The following EXOC6B variants were observed in gnomAD, a reference collection of about 807,000 sequenced individuals.
The protein encoded by EXOC6B is SEC15 homolog B.
EXOC6B carries 54 observed loss-of-function variants against 113.5 expected under a neutral mutation model. The observed-to-expected ratio is 0.48, with a 90% CI of 0.38 to 0.60. The LOEUF (loss-of-function observed/expected upper bound fraction) is 0.60. Among genes scored for constraint, EXOC6B ranks in the 20% least tolerant of loss-of-function variants. The pLI is 0.00. For synonymous variants in EXOC6B, 357 were observed against 339.0 expected (o/e 1.05, Z -0.58); for missense variants, 797 against 977.5 (o/e 0.82, Z 2.46).
intron 20 of EXOC6B, among the ~76,000 whole-genome samples, chr2:72,286,246 G>A (rs2109961): frequency 0.39 from 58,550 of 152,028 alleles, 15,308 homozygotes; most frequent in African/African-American, 0.74. Context: ...AGCAATCAAG[G>A]TATCCTTCAG....
chr2:72,599,840 T>G (rs1284317803), intron 6 of EXOC6B, among the ~76,000 whole-genome samples: 1 of 151,970 alleles, frequency 6.6e-6, no homozygotes, highest in Non-Finnish European at 1.5e-5. Flanking sequence ...TCTAAAAAAT[T>G]TGTACAAAAC....
chr2:72,646,278 C>A (rs910107130), intron 6 of EXOC6B, among the ~76,000 whole-genome samples: 2 of 149,916 alleles, frequency 1.3e-5, no homozygotes, highest in African/African-American at 2.4e-5. Flanking sequence ...CAATAACAGG[C>A]TCTGAAATTG....
At chr2:72,602,719 TG>T (rs766211323) in intron 6 of EXOC6B, among the ~76,000 whole-genome samples, 13 of 152,222 alleles carry the variant, frequency 8.5e-5, no homozygotes, top group Non-Finnish European at 1.6e-4. Flanking sequence ...CACAGGTTAT[TG>T]ACTTCTGCTA....
chr2:72,591,015 G>T (rs1046443920), intron 6 of EXOC6B, among the ~76,000 whole-genome samples: 1 of 151,834 alleles, frequency 6.6e-6, no homozygotes, highest in African/African-American at 2.4e-5. Context: ...ATAGAAAAAA[G>T]AATAGCAAAA....
intron 6 of EXOC6B, among the ~76,000 whole-genome samples, chr2:72,596,980 G>C (rs1433532120): frequency 6.6e-6 from 1 of 150,752 alleles, no homozygotes; most frequent in Non-Finnish European, 1.5e-5. Flanking sequence ...AGAGAGGGTG[G>C]AATGGGGAAT....
intron 12 of EXOC6B, 148 bp from the exon 13 acceptor site, chr2:72,498,699 C>A (rs1369105546): frequency 5.2e-6 from 3 of 576,180 alleles, no homozygotes; most frequent in African/African-American, 3.8e-5. Flanking sequence ...TTAGTAGAAT[C>A]TTTCATTCAC....
At chr2:72,726,179 G>A (rs1680289536) in intron 5 of EXOC6B, among the ~76,000 whole-genome samples, 1 of 152,164 alleles carries the variant, frequency 6.6e-6, no homozygotes, top group South Asian at 2.1e-4. Context: ...TTCAGAAGAG[G>A]CAAATCTATG....
rs977671882 is a variant in EXOC6B, at chr2:72,383,806, C to T, written c.1981-3936G>A. Among the ~76,000 whole-genome samples the T allele has an allele frequency of 5.3e-5, 8 of 152,178 alleles. No individual in the cohort carries two copies. The South Asian group carries it at 8.3e-4, about 16-fold the overall frequency. ...TTAGGTACCTATACACCATGGAATA[C>T]TACACAGCCATAAAGAAAGAATGAG... On this transcript the variant is annotated intron_variant, in intron 18 of 21. Transcript: ENST00000272427.
chr2:72,540,156 T>C (rs942809133), intron 8 of EXOC6B, among the ~76,000 whole-genome samples: 44 of 151,936 alleles, frequency 2.9e-4, no homozygotes, highest in Non-Finnish European at 6.3e-4. Flanking sequence ...TAGTATTCCA[T>C]GGTGTATATG....
chr2:72,749,593 C>A lies in EXOC6B; in HGVS notation c.114-8124G>T, dbSNP rs76299539. On this transcript the variant is annotated intron_variant, in intron 1 of 21. Transcript: ENST00000272427. Reference sequence around the variant, plus strand: ...CAAAACTGCAATTACTTTTGCACCACCCTACATATTTAATTAAATAATTAC... The same window carrying A: ...CAAAACTGCAATTACTTTTGCACCAACCTACATATTTAATTAAATAATTAC... 5.6e-3 allele frequency among the ~76,000 whole-genome samples: 845 copies of A among 151,874 alleles called. 7 individuals are homozygous for A. The highest frequency in any genetic ancestry group is 0.02 in the African/African-American group (817 of 41,444).
At chr2:72,460,729 A>C (rs373372711) in intron 18 of EXOC6B, among the ~76,000 whole-genome samples, 4 of 152,024 alleles carry the variant, frequency 2.6e-5, no homozygotes, top group Admixed American at 2.0e-4. Context: ...AGAGGATGTG[A>C]AGAAATAGGA....
intron 20 of EXOC6B, among the ~76,000 whole-genome samples, chr2:72,279,060 C>T (rs1684966117): frequency 6.6e-6 from 1 of 152,092 alleles, no homozygotes. Flanking sequence ...AGAATCAGAG[C>T]CATATTCAAT....
chr2:72,650,558 C>T (rs1176754827), intron 6 of EXOC6B, among the ~76,000 whole-genome samples: 2 of 150,500 alleles, frequency 1.3e-5, no homozygotes, highest in African/African-American at 4.9e-5. Flanking sequence ...CGCGCCACTG[C>T]ACTCCAGCCT....
intron 8 of EXOC6B, among the ~76,000 whole-genome samples, chr2:72,537,348 A>T (rs1202483970): frequency 2.0e-5 from 3 of 152,098 alleles, no homozygotes; most frequent in Non-Finnish European, 4.4e-5. Context: ...TCACACCTGT[A>T]ATCCCAGCAC....
chr2:72,289,963 G>C (rs1685685564), intron 20 of EXOC6B, among the ~76,000 whole-genome samples: 1 of 152,188 alleles, frequency 6.6e-6, no homozygotes, highest in African/African-American at 2.4e-5. Context: ...AAACCACAAA[G>C]GTTGACTTTT....
At chr2:72,480,856 A>T (rs1196514177) in intron 16 of EXOC6B, 106 bp from the exon 17 acceptor site, 1 of 1,157,034 alleles carries the variant, frequency 8.6e-7, no homozygotes, top group East Asian at 2.6e-5. Flanking sequence ...ATAATGGAAA[A>T]GGCCATCCAC....
At chr2:72,410,297 T>C (rs1558641548) in intron 18 of EXOC6B, among the ~76,000 whole-genome samples, 1 of 152,260 alleles carries the variant, frequency 6.6e-6, no homozygotes, top group Admixed American at 6.5e-5. Context: ...ATGGGTACCA[T>C]GGTTCTTGAT....
intron 20 of EXOC6B, among the ~76,000 whole-genome samples, chr2:72,273,475 C>A (rs1032862637): frequency 6.6e-6 from 1 of 152,092 alleles, no homozygotes; most frequent in Admixed American, 6.6e-5. Context: ...TGATATGCTG[C>A]AACAAATCTT....
chr2:72,194,266 G>A lies in EXOC6B; in HGVS notation c.2197-10079C>T, dbSNP rs149790994. On this transcript the variant is annotated intron_variant, in intron 20 of 21. Transcript: ENST00000272427. ...CATGTTTGGGGAAATATCCTGCTTG[G>A]TGAGACCCCCAAGGTGCCAAGACAT... is the stretch of plus-strand genomic sequence containing the variant. Among the ~76,000 whole-genome samples, 161 of 152,244 alleles carry A rather than the reference G, an allele frequency of 1.1e-3. 1 individual carries two copies. Among genetic ancestry groups the A allele is most frequent in the African/African-American group, 3.2e-3 (131 of 41,544 alleles).
Sources: gnomAD v4.1 joint callset for allele counts (sites outside exome capture counted in the v4.1 genomes callset) on GRCh38, gnomAD v4.1.1 for gene constraint, MANE v1.5 for transcripts, NCBI Gene and HGNC (gene_info 2026-07-23, HGNC 2026-07-21) for gene names.